TBX18: variants seen among roughly 807,000 people sequenced by gnomAD.
TBX18 encodes the protein T-box transcription factor 18.
In TBX18, 21 loss-of-function variants were observed where a neutral mutation model predicts 55.0. That is an observed-to-expected ratio of 0.38 (90% confidence interval 0.27 to 0.55). The LOEUF is 0.55. Ranked by LOEUF, TBX18 falls within the 20% of genes least tolerant of loss-of-function variation. The probability of loss-of-function intolerance (pLI) is 0.73; values close to 1 mark genes in which losing one functional copy is unlikely to be tolerated. For synonymous variants in TBX18, 342 were observed against 326.1 expected, an observed-to-expected ratio of 1.05 and a Z score of -0.53; for missense variants, 840 against 799.6, an observed-to-expected ratio of 1.05 and a Z score of -0.61.
chr6:84,737,366 G>A lies in TBX18; in HGVS notation c.1143C>T (p.Gly381=), dbSNP rs766116934. 32 of 1,549,656 alleles carry A rather than the reference G, an allele frequency of 2.1e-5. 1 individual carries two copies. Among genetic ancestry groups the A allele is most frequent in the African/African-American group, 1.6e-4 (12 of 72,974 alleles). Residue 381 remains glycine, a synonymous_variant, in exon 8 of 8, where the codon GGC becomes GGT. Coordinates refer to ENST00000369663, the MANE Select transcript of TBX18 (RefSeq NM_001080508.3). ...AAAGGTGAGGGTGAGTGGCAGGAAC[G>A]CCATTCCCAGTACCTTGGAGCAAGG... ...SSTLLQGTGN[G]VPATHPHLLS...
At chr6:84,746,688 A>G (rs1404536527) in intron 5 of TBX18, among the ~76,000 whole-genome samples, 1 of 148,238 alleles carries the variant, frequency 6.7e-6, no homozygotes, top group Non-Finnish European at 1.5e-5. Context: ...GTTATATATA[A>G]TACGTTAAAT....
intron 7 of TBX18, among the ~76,000 whole-genome samples, chr6:84,738,022 A>C (rs917881801): frequency 7.9e-5 from 12 of 152,166 alleles, no homozygotes; most frequent in Non-Finnish European, 1.6e-4. Context: ...TCTGAGAAGA[A>C]ATCAGCCCTG....
intron 1 of TBX18, chr6:84,763,054 A>C: frequency 2.0e-6 from 1 of 488,038 alleles, no homozygotes. Flanking sequence ...CCAGCAGAAA[A>C]GGCTTCACGC....
intron 4 of TBX18, among the ~76,000 whole-genome samples, chr6:84,749,293 A>G (rs980094232): frequency 6.6e-6 from 1 of 152,292 alleles, no homozygotes; most frequent in Middle Eastern, 3.4e-3. Context: ...TTTATAGAAC[A>G]AATGTTTACA....
rs1773949421 is a variant in TBX18 at position 84,736,586 on chromosome 6, A to G, written c.*99T>C. 8.0e-6 allele frequency: 11 copies of G among 1,374,620 alleles called. No individual in the cohort carries two copies. The highest frequency in any genetic ancestry group is 9.6e-6 in the Non-Finnish European group (10 of 1,036,710). 85.2% of individuals were successfully genotyped at this position (1,374,620 alleles called of 1,614,324 possible). On this transcript the variant is annotated 3_prime_UTR_variant, in exon 8 of 8. Coordinates refer to ENST00000369663, the MANE Select transcript of TBX18 (RefSeq NM_001080508.3). The stretch of plus-strand genomic sequence containing the variant: ...AGCCTTCATTTTCTATTATATGTAC[A>G]TTTTATAAACCACAGAGAGTTTCTT...
chr6:84,758,047 T>G (rs544884920), intron 3 of TBX18, among the ~76,000 whole-genome samples: 61 of 152,308 alleles, frequency 4.0e-4, no homozygotes, highest in African/African-American at 1.4e-3. Context: ...TCAATATGCC[T>G]TCTAGTCTTT....
chr6:84,752,876 A>G (rs554228208), intron 4 of TBX18, among the ~76,000 whole-genome samples: 1 of 152,304 alleles, frequency 6.6e-6, no homozygotes, highest in South Asian at 2.1e-4. Flanking sequence ...CACCGTGGGT[A>G]CAAATCCTTC....
At chr6:84,756,305 A>T (rs568777099) in intron 4 of TBX18, among the ~76,000 whole-genome samples, 3 of 152,346 alleles carry the variant, frequency 2.0e-5, no homozygotes, top group African/African-American at 7.2e-5. Context: ...ACTGAGAAGC[A>T]ATGAACCTCA....
intron 5 of TBX18, among the ~76,000 whole-genome samples, chr6:84,746,942 G>A (rs1767212108): frequency 6.6e-6 from 1 of 151,674 alleles, no homozygotes; most frequent in Admixed American, 6.6e-5. Context: ...TTATAAAAGA[G>A]TGGCAACATG....
chr6:84,748,855 A>G (rs187989423), intron 4 of TBX18, among the ~76,000 whole-genome samples: 26 of 152,364 alleles, frequency 1.7e-4, no homozygotes, highest in African/African-American at 6.3e-4. Flanking sequence ...AACAGTAGAA[A>G]AACTATAAAC....
At chr6:84,740,273 G>C (rs778385121) in intron 6 of TBX18, among the ~76,000 whole-genome samples, 7 of 152,058 alleles carry the variant, frequency 4.6e-5, no homozygotes, top group Admixed American at 3.3e-4. Flanking sequence ...TAGTGGTAAG[G>C]ATACTAGATT....
chr6:84,758,133 G>A (rs995316931), intron 3 of TBX18, among the ~76,000 whole-genome samples: 1 of 152,020 alleles, frequency 6.6e-6, no homozygotes, highest in Admixed American at 6.6e-5. Flanking sequence ...TTAGGCCAGA[G>A]GCGGTGGCTC....
intron 5 of TBX18, 68 bp downstream of exon 5, chr6:84,747,852 G>T: frequency 7.0e-7 from 1 of 1,430,660 alleles, no homozygotes; most frequent in Non-Finnish European, 9.7e-7. Context: ...AGAGTGAGAA[G>T]GATAGCTAAC....
At position 84,734,320 on chromosome 6, in the gene TBX18, C is replaced by T. The variant is rs1021877035; in HGVS notation, c.*2365G>A. 2.0e-5 allele frequency: 3 copies of T among 152,152 alleles called. No individual in the cohort carries two copies. Among genetic ancestry groups the T allele is most frequent in the Non-Finnish European group, 2.9e-5 (2 of 68,030 alleles). 9.4% of individuals were successfully genotyped at this position (152,152 alleles called of 1,614,324 possible). A position where few individuals can be genotyped will look rare whatever the true frequency, so the allele number is the denominator to read the frequency against. On this transcript the variant is annotated 3_prime_UTR_variant, in exon 8 of 8. Transcript: ENST00000369663. ...TAACACATGAAACATGAACAGCAGG[C>T]CCATTTCTTTCTGCCATGTATTTGA...
At chr6:84,754,277 T>C (rs537327171) in intron 4 of TBX18, among the ~76,000 whole-genome samples, 1 of 152,292 alleles carries the variant, frequency 6.6e-6, no homozygotes, top group South Asian at 2.1e-4. Context: ...GATAACATCT[T>C]CCGAAGTATC....
intron 4 of TBX18, among the ~76,000 whole-genome samples, chr6:84,754,699 C>T (rs1446775074): frequency 6.6e-6 from 1 of 152,164 alleles, no homozygotes; most frequent in Non-Finnish European, 1.5e-5. Context: ...GATACTTGGT[C>T]AAACACCAGT....
chr6:84,748,220 A>T (rs1767249683), intron 4 of TBX18, 133 bp from the exon 5 acceptor site: 2 of 577,694 alleles, frequency 3.5e-6, no homozygotes, highest in Non-Finnish European at 5.5e-6. Flanking sequence ...TCAATTTAAT[A>T]AGAAATATCA....
chr6:84,762,821 A>T, intron 1 of TBX18, 73 bp from the exon 2 acceptor site: 1 of 1,427,642 alleles, frequency 7.0e-7, no homozygotes, highest in Non-Finnish European at 9.6e-7. Flanking sequence ...AGACGGGCCC[A>T]CCTGGTGGCT....
At chr6:84,750,208 C>A (rs1767308176) in intron 4 of TBX18, among the ~76,000 whole-genome samples, 1 of 150,900 alleles carries the variant, frequency 6.6e-6, no homozygotes, top group African/African-American at 2.5e-5. Flanking sequence ...TAGCTTGAAT[C>A]CGGGAGGCGG....
Sources: gnomAD v4.1 joint callset for allele counts (sites outside exome capture counted in the v4.1 genomes callset) on GRCh38, gnomAD v4.1.1 for gene constraint, MANE v1.5 for transcripts, NCBI Gene and HGNC (gene_info 2026-07-23, HGNC 2026-07-21) for gene names.